CADPS2: variants seen among roughly 807,000 people sequenced by gnomAD.
CADPS2 encodes the protein calcium-dependent secretion activator 2.
In CADPS2, 93 loss-of-function variants were observed where a neutral mutation model predicts 172.5. That is an observed-to-expected ratio of 0.54 (90% CI 0.46 to 0.64). The LOEUF is 0.64. CADPS2 is among the 30% of genes least tolerant of loss of function. The probability of loss-of-function intolerance (pLI) is 0.00; values close to 1 mark genes in which losing one functional copy is unlikely to be tolerated. For missense variants in CADPS2, 1,420 were observed against 1,565.9 expected (o/e 0.91, Z 1.57); for synonymous variants, 546 against 555.2 (o/e 0.98, Z 0.23).
At chr7:122,736,686 G>GT (rs2092177807) in intron 2 of CADPS2, among the ~76,000 whole-genome samples, 1 of 152,148 alleles carries the variant, frequency 6.6e-6, no homozygotes, top group Non-Finnish European at 1.5e-5. Flanking sequence ...ATAGTCAGCT[G>GT]TATCAATCAC....
intron 5 of CADPS2, among the ~76,000 whole-genome samples, chr7:122,617,773 G>A (rs2075095410): frequency 6.6e-6 from 1 of 152,222 alleles, no homozygotes; most frequent in South Asian, 2.1e-4. Context: ...GCCGGGCACA[G>A]TGGCTCACGC....
intron 6 of CADPS2, among the ~76,000 whole-genome samples, chr7:122,584,824 T>A (rs1340493850): frequency 1.3e-5 from 2 of 151,994 alleles, no homozygotes; most frequent in Non-Finnish European, 2.9e-5. Flanking sequence ...TCTTATTAAG[T>A]TCTATTTTTA....
chr7:122,714,473 C>A (rs1330380480), intron 2 of CADPS2, among the ~76,000 whole-genome samples: 1 of 151,880 alleles, frequency 6.6e-6, no homozygotes, highest in African/African-American at 2.4e-5. Context: ...GTTTTACTAT[C>A]ATCATTTTTT....
Position 122,820,583 on chromosome 7 carries a change from G to A in CADPS2, c.339+65416C>T, listed in dbSNP as rs1265318871. 9.4e-4 allele frequency among the ~76,000 whole-genome samples: 98 copies of A among 104,728 alleles called. 4 individuals carry two copies. Among genetic ancestry groups the A allele is most frequent in the African/African-American group, 1.6e-3 (39 of 23,736 alleles). 68.7% of individuals were successfully genotyped at this position (104,728 alleles called of 152,430 possible). A position where few individuals can be genotyped will look rare whatever the true frequency, so the allele number is the denominator to read the frequency against. On this transcript the variant is annotated intron_variant, in intron 1 of 29. Transcript: ENST00000449022. ...TTTTTTTTTTTTTTTTTTTTGAGAC[G>A]GAGTCTCGCTCTGTCGCCCAGGCTG...
chr7:122,347,893 G>T (rs1407558222), intron 27 of CADPS2, among the ~76,000 whole-genome samples: 1 of 152,158 alleles, frequency 6.6e-6, no homozygotes, highest in African/African-American at 2.4e-5. Context: ...CACTGACAAT[G>T]AGAACATTCA....
chr7:122,380,079 G>A (rs1486035876), intron 24 of CADPS2, among the ~76,000 whole-genome samples: 1 of 152,018 alleles, frequency 6.6e-6, no homozygotes, highest in East Asian at 1.9e-4. Context: ...TTTTATTACC[G>A]CTTCCTCATG....
chr7:122,842,832 C>T (rs1400169152), intron 1 of CADPS2, among the ~76,000 whole-genome samples: 1 of 152,062 alleles, frequency 6.6e-6, no homozygotes, highest in East Asian at 1.9e-4. Context: ...AAAACCCTTG[C>T]CTACACTATC....
chr7:122,760,994 T>G (rs1225738884), intron 1 of CADPS2, among the ~76,000 whole-genome samples: 1 of 152,138 alleles, frequency 6.6e-6, no homozygotes, highest in Non-Finnish European at 1.5e-5. Flanking sequence ...TCAGACACTG[T>G]CAGCATCTAA....
At chr7:122,832,099 GA>G in intron 1 of CADPS2, among the ~76,000 whole-genome samples, 1 of 152,078 alleles carries the variant, frequency 6.6e-6, no homozygotes, top group Non-Finnish European at 1.5e-5. Context: ...GCATTGTCAA[GA>G]TACATGGATG....
intron 8 of CADPS2, among the ~76,000 whole-genome samples, chr7:122,549,557 G>A (rs1250199376): frequency 6.6e-6 from 1 of 151,900 alleles, no homozygotes; most frequent in African/African-American, 2.4e-5. Context: ...GGAGGTGGAG[G>A]TTGCAGTGAG....
chr7:122,331,840 T>A (rs2035004417), intron 28 of CADPS2: 1 of 152,204 alleles, frequency 6.6e-6, no homozygotes, highest in African/African-American at 2.4e-5. Context: ...AAGATTTATA[T>A]CTTATATTTA....
At chr7:122,627,501 A>T (rs555021042) in intron 4 of CADPS2, among the ~76,000 whole-genome samples, 1 of 152,150 alleles carries the variant, frequency 6.6e-6, no homozygotes, top group Non-Finnish European at 1.5e-5. Flanking sequence ...TGAAACCATT[A>T]GGGTTCTCTC....
intron 2 of CADPS2, among the ~76,000 whole-genome samples, chr7:122,721,217 C>T (rs1255269763): frequency 4.0e-5 from 6 of 151,862 alleles, no homozygotes; most frequent in African/African-American, 7.3e-5. Flanking sequence ...CTTAGAGACA[C>T]AAAAAACCCT....
At chr7:122,610,891 T>C (rs1442753864) in intron 6 of CADPS2, among the ~76,000 whole-genome samples, 1 of 152,114 alleles carries the variant, frequency 6.6e-6, no homozygotes, top group African/African-American at 2.4e-5. Flanking sequence ...AAGACTTCAA[T>C]TCTCTCGGCC....
chr7:122,546,347 G>C (rs2063616325), intron 8 of CADPS2, among the ~76,000 whole-genome samples: 2 of 152,122 alleles, frequency 1.3e-5, no homozygotes, highest in Non-Finnish European at 2.9e-5. Flanking sequence ...TGATTATATA[G>C]AGAGGAGTAG....
At chr7:122,570,199 A>T (rs966471101) in intron 7 of CADPS2, among the ~76,000 whole-genome samples, 2 of 151,750 alleles carry the variant, frequency 1.3e-5, no homozygotes, top group African/African-American at 4.9e-5. Context: ...AAAAACAAAC[A>T]AGCCCATCAA....
intron 2 of CADPS2, among the ~76,000 whole-genome samples, chr7:122,696,577 T>C (rs2085139357): frequency 6.6e-6 from 1 of 152,274 alleles, no homozygotes. Context: ...TTGTTAACAC[T>C]GAGCAACTCA....
chr7:122,871,193 A>G (rs1819651403), intron 1 of CADPS2, among the ~76,000 whole-genome samples: 1 of 151,908 alleles, frequency 6.6e-6, no homozygotes, highest in Non-Finnish European at 1.5e-5. Context: ...GGAAAAAAAA[A>G]AAAATTACAC....
chr7:122,729,596 TA>T (rs2091443849), intron 2 of CADPS2, among the ~76,000 whole-genome samples: 2 of 151,658 alleles, frequency 1.3e-5, no homozygotes, highest in Non-Finnish European at 3.0e-5. Context: ...TTGTGGTTTT[TA>T]TTTTTTCATA....
Sources: allele counts gnomAD v4.1 joint callset (sites outside exome capture counted in the v4.1 genomes callset), GRCh38; gene constraint gnomAD v4.1.1; transcripts MANE v1.5; gene names NCBI Gene and HGNC (gene_info 2026-07-23, HGNC 2026-07-21).